UROD: variants seen among roughly 807,000 people sequenced by gnomAD.
The protein encoded by UROD is uroporphyrinogen III decarboxylase.
UROD carries 34 observed loss-of-function variants against 47.1 expected under a neutral mutation model. The ratio of observed to expected loss-of-function variants is 0.72; its 90% CI spans 0.55 to 0.96. The LOEUF is 0.96. Ranked by LOEUF, UROD falls within the 40% of genes least tolerant of loss-of-function variation. The probability of loss-of-function intolerance (pLI) is 0.00; values close to 1 mark genes in which losing one functional copy is unlikely to be tolerated. For synonymous variants in UROD, 148 were observed against 175.8 expected, an observed-to-expected ratio of 0.84 and a Z score of 1.25; for missense variants, 381 against 471.8, an observed-to-expected ratio of 0.81 and a Z score of 1.78.
At chr1:45,014,359 G>A in intron 6 of UROD, 80 bp from the exon 7 acceptor site, 1 of 1,608,988 alleles carries the variant, frequency 6.2e-7, no homozygotes, top group Non-Finnish European at 8.5e-7. Context: ...GTCATTTGGG[G>A]AAAATTGAGG....
At chr1:45,014,128 A>C in intron 6 of UROD, 58 bp downstream of exon 6, 3 of 1,612,626 alleles carry the variant, frequency 1.9e-6, no homozygotes, top group Non-Finnish European at 2.5e-6. Flanking sequence ...ACCAGAAGCA[A>C]GAGTGTCCTA....
chr1:45,014,294 AT>A (rs57055690), intron 6 of UROD, 144 bp from the exon 7 acceptor site: 75,681 of 903,924 alleles, frequency 0.084, 1,458 homozygotes, highest in African/African-American at 0.26. Flanking sequence ...AGGAAAGTAA[AT>A]TTTTTTTTTT....
intron 6 of UROD, 136 bp downstream of exon 6, chr1:45,014,206 C>A: frequency 7.3e-7 from 1 of 1,369,244 alleles, no homozygotes; most frequent in Non-Finnish European, 1.0e-6. Context: ...TCTAGCGGAG[C>A]AGCCAAGCCC....
In UROD at chr1:45,015,543, C is replaced by A; in HGVS notation, c.*45C>A. On this transcript the variant is annotated 3_prime_UTR_variant, in exon 10 of 10. Coordinates refer to ENST00000246337, the MANE Select transcript of UROD (RefSeq NM_000374.5). ...AGTACCACTAACACAGATGATTGAT[C>A]GTTTCCAGGACAATAAAAGTTTCGG... is the stretch of plus-strand genomic sequence containing the variant. 1 of 1,613,618 alleles carries A rather than the reference C, an allele frequency of 6.2e-7. No individual in the cohort carries two copies. The highest frequency in any genetic ancestry group is 1.1e-5 in the South Asian group (1 of 90,924).
chr1:45,013,310 C>G lies in UROD; in HGVS notation c.232C>G (p.Leu78Val), dbSNP rs1432847949. The G allele has an allele frequency of 1.4e-5, 23 of 1,614,100 alleles. No homozygotes were observed. Among genetic ancestry groups the G allele is most frequent in the Non-Finnish European group, 1.9e-5 (23 of 1,180,050 alleles). ...CCTACAGCCACTGCGTCGCTTCCCT[C>G]TGGATGCTGCCATCATTTTCTCCGA... ...LTLQPLRRFP[L>V]DAAIIFSDIL... Residue 78 changes from leucine to valine, a missense_variant, in exon 4 of 10, where the codon CTG becomes GTG. Transcript: ENST00000246337. This position sits in a 1 kb window ranked among gnomAD's most constrained non-coding sequence, Gnocchi z 4.2.
At position 45,015,512 on chromosome 1, in the gene UROD, C is replaced by A; in HGVS notation, c.*14C>A. On this transcript the variant is annotated 3_prime_UTR_variant, in exon 10 of 10. Transcript: ENST00000246337. ...CGACAGAACTGAGTGTATACCTTTA[C>A]CCTCAAGTACCACTAACACAGATGA... 2 of 1,614,204 alleles carry A rather than the reference C, an allele frequency of 1.2e-6. No homozygotes were observed. Among genetic ancestry groups the A allele is most frequent in the East Asian group, 4.5e-5 (2 of 44,890 alleles).
rs762960327 is a variant in UROD at position 45,013,348 on chromosome 1, A to G, written c.270A>G (p.Val90=). The change falls in exon 4 of 10, where the codon GTA becomes GTG. Residue 90 remains valine, a synonymous_variant. Coordinates refer to ENST00000246337, the MANE Select transcript of UROD (RefSeq NM_000374.5). This position sits in a 1 kb window ranked among gnomAD's most constrained non-coding sequence, Gnocchi z 4.2. ...TCATTTTCTCCGACATCCTTGTTGTACCCCAGGTACCCACTCAAACCTGAT... is the reference window on the plus strand; with the variant it reads ...TCATTTTCTCCGACATCCTTGTTGTGCCCCAGGTACCCACTCAAACCTGAT... ...AAIIFSDILV[V]PQALGMEVTM... The G allele has an allele frequency of 4.7e-5, 76 of 1,614,110 alleles. No homozygotes were observed. In the South Asian group the frequency reaches 6.4e-4, roughly 14 times the overall value.
In UROD at chr1:45,014,997, T is replaced by C; in HGVS notation, c.933T>C (p.Tyr311=). 2 of 1,613,852 alleles carry C rather than the reference T, an allele frequency of 1.2e-6. No homozygotes were observed. Among genetic ancestry groups the C allele is most frequent in the East Asian group, 2.2e-5 (1 of 44,876 alleles). ...GCAACCTGGACCCCTGTGCCTTGTA[T>C]GCATCTGAGGTAACAGCCAGGGCCC... The part of the protein sequence containing the change: ...LQGNLDPCAL[Y]ASEEEIGQLV... Residue 311 remains tyrosine, a synonymous_variant, in exon 9 of 10, where the codon TAT becomes TAC. Coordinates refer to ENST00000246337, the MANE Select transcript of UROD (RefSeq NM_000374.5).
Position 45,012,966 on chromosome 1 carries a change from A to C in UROD, c.80A>C (p.Glu27Ala), listed in dbSNP as rs753985225. The C allele has an allele frequency of 4.3e-6, 7 of 1,613,250 alleles. No homozygotes were observed. In the African/African-American group the frequency reaches 5.4e-5, roughly 12 times the overall value. ...TTCCTGCGAGCAGCCTGGGGAGAGG[A>C]AACAGACTACACTCCCGTTTGGTGC... is the stretch of plus-strand genomic sequence containing the variant. ...DTFLRAAWGE[E>A]TDYTPVWCMR... The change falls in exon 2 of 10, where the codon GAA (glutamate) becomes GCA (alanine). Residue 27 changes from glutamate (E) to alanine (A), a missense_variant. By Grantham distance (107) the Glu-to-Ala change is moderately radical. Coordinates refer to ENST00000246337, the MANE Select transcript of UROD (RefSeq NM_000374.5).
chr1:45,014,927 G>A lies in UROD; in HGVS notation c.876-13G>A. 1 of 1,614,064 alleles carries A rather than the reference G, an allele frequency of 6.2e-7. No individual in the cohort carries two copies. Among genetic ancestry groups the A allele is most frequent in the South Asian group, 1.1e-5 (1 of 91,090 alleles). On this transcript the variant is annotated splice_polypyrimidine_tract_variant and intron_variant, in intron 8 of 9. Transcript: ENST00000246337. ...ATGCAGTTACCAGAACGTGGCGCTGGCTTTGCTTCCAGGGAGTGTGTGGGG... is the reference window on the plus strand; with the variant it reads ...ATGCAGTTACCAGAACGTGGCGCTGACTTTGCTTCCAGGGAGTGTGTGGGG...
rs775210041 is a variant in UROD, at chr1:45,012,895, C to A, written c.21-12C>A. 3.7e-6 allele frequency: 6 copies of A among 1,613,466 alleles called. No individual in the cohort carries two copies. In the African/African-American group the frequency reaches 8.0e-5, roughly 22 times the overall value. Reference sequence around the variant, plus strand: ...ATACTGACACCTACCCCCACCCCCACCTGATCGCCAGACCTCAGGGTTTTC... The same window carrying A: ...ATACTGACACCTACCCCCACCCCCAACTGATCGCCAGACCTCAGGGTTTTC... On this transcript the variant is annotated splice_polypyrimidine_tract_variant and intron_variant, in intron 1 of 9. Coordinates refer to ENST00000246337, the MANE Select transcript of UROD (RefSeq NM_000374.5).
At chr1:45,014,886 G>A (rs758967174) in intron 8 of UROD, 50 bp downstream of exon 8, 6 of 1,614,044 alleles carry the variant, frequency 3.7e-6, no homozygotes, top group African/African-American at 1.3e-5. Flanking sequence ...GGTGTTGGCT[G>A]GGGGAGCTGC....
In UROD at chr1:45,013,983, G is replaced by A. The variant is rs1480976501; in HGVS notation, c.549G>A (p.Gln183=). 3.7e-6 allele frequency: 6 copies of A among 1,614,130 alleles called. No individual in the cohort carries two copies. Among genetic ancestry groups the A allele is most frequent in the Non-Finnish European group, 5.1e-6 (6 of 1,180,060 alleles). ...CTCAGGCCAAGCGCTGGCTCTATCA[G>A]AGACCTCAGGCTAGTCACCAGCTGC... The part of the protein sequence containing the change: ...TMAQAKRWLY[Q]RPQASHQLLR... The change falls in exon 6 of 10, where the codon CAG becomes CAA. Residue 183 remains glutamine (Q), a synonymous_variant. Transcript: ENST00000246337. This position sits in a 1 kb window ranked among gnomAD's most constrained non-coding sequence, Gnocchi z 4.2.
Position 45,015,473 on chromosome 1 carries a change from A to G in UROD, c.1079A>G (p.His360Arg). ...VGAFVDAVHK[H>R]SRLLRQN is the part of the protein sequence containing the mutation. The stretch of plus-strand genomic sequence containing the variant: ...GCCTTTGTGGATGCTGTGCATAAAC[A>G]CTCACGTCTGCTTCGACAGAACTGA... The change falls in exon 10 of 10, where the codon CAC becomes CGC. Residue 360 changes from histidine (H) to arginine (R), a missense_variant. Physicochemically the swap from His to Arg is conservative, Grantham distance 29. Coordinates refer to ENST00000246337, the MANE Select transcript of UROD (RefSeq NM_000374.5). The G allele has an allele frequency of 1.2e-6, 2 of 1,614,178 alleles. No individual in the cohort carries two copies. The highest frequency in any genetic ancestry group is 1.6e-4 in the Middle Eastern group (1 of 6,062).
In UROD at chr1:45,013,726, G is replaced by A; in HGVS notation, c.409G>A (p.Ala137Thr). The A allele has an allele frequency of 6.2e-7, 1 of 1,614,130 alleles. No homozygotes were observed. The highest frequency in any genetic ancestry group is 8.5e-7 in the Non-Finnish European group (1 of 1,180,014). ...VASELGYVFQAITLTRQRLAG... is the reference protein window; with the variant it reads ...VASELGYVFQTITLTRQRLAG... ...CTCTGAGCTAGGCTATGTGTTCCAA[G>A]CCATCACCCTTACCCGACAACGACT... The change falls in exon 5 of 10, where the codon GCC becomes ACC. Residue 137 changes from alanine (A) to threonine (T), a missense_variant. Physicochemically the swap from Ala to Thr is moderately conservative, Grantham distance 58. Coordinates refer to ENST00000246337, the MANE Select transcript of UROD (RefSeq NM_000374.5). This position sits in a 1 kb window ranked among gnomAD's most constrained non-coding sequence, Gnocchi z 4.2.
In UROD at chr1:45,013,164, C is replaced by G; in HGVS notation, c.162C>G (p.Asp54Glu). The G allele has an allele frequency of 6.2e-7, 1 of 1,614,182 alleles. No individual in the cohort carries two copies. Among genetic ancestry groups the G allele is most frequent in the Non-Finnish European group, 8.5e-7 (1 of 1,180,034 alleles). Residue 54 changes from aspartate (D) to glutamate (E), a missense_variant, in exon 3 of 10, where the codon GAC becomes GAG. Coordinates refer to ENST00000246337, the MANE Select transcript of UROD (RefSeq NM_000374.5). This position sits in a 1 kb window ranked among gnomAD's most constrained non-coding sequence, Gnocchi z 4.2. ...PEFRETRAAQ[D>E]FFSTCRSPEA... ...TTAGGGAAACCCGGGCTGCCCAGGA[C>G]TTTTTCAGCACGTGTCGCTCTCCTG...
rs770934639 is a variant in UROD at position 45,015,411 on chromosome 1, TG to T, written c.1020del (p.Leu341PhefsTer42). 2.5e-6 allele frequency: 4 copies of T among 1,614,092 alleles called. No individual in the cohort carries two copies. The African/African-American group carries it at 5.3e-5, about 22-fold the overall frequency. On this transcript the variant is annotated frameshift_variant, in exon 10 of 10. Transcript: ENST00000246337. LOFTEE classifies it high-confidence loss of function. ...PHRYIANLGH[G>X]LYPDMDPEHV... ...ATCGCTACATTGCCAACCTGGGCCA[TG>T]GGCTTTATCCTGACATGGACCCAGA...
Position 45,014,957 on chromosome 1 carries a change from C to T in UROD, c.893C>T (p.Thr298Met), listed in dbSNP as rs767307327. The stretch of plus-strand genomic sequence containing the variant: ...GCTTCCAGGGAGTGTGTGGGGAAGA[C>T]GGTGACATTGCAGGGCAACCTGGAC... ...PKKARECVGK[T>M]VTLQGNLDPC... The change falls in exon 9 of 10, where the codon ACG becomes ATG. Residue 298 changes from threonine (T) to methionine (M), a missense_variant. Thr to Met is a moderately conservative substitution (Grantham distance 81, BLOSUM62 -1). Transcript: ENST00000246337. 30 of 1,613,910 alleles carry T rather than the reference C, an allele frequency of 1.9e-5. No individual in the cohort carries two copies. The highest frequency in any genetic ancestry group is 1.7e-4 in the Middle Eastern group (1 of 6,050).
Position 45,014,740 on chromosome 1 carries a change from T to C in UROD, c.779T>C (p.Ile260Thr), listed in dbSNP as rs1483459837. The C allele has an allele frequency of 6.2e-7, 1 of 1,614,110 alleles. No homozygotes were observed. The highest frequency in any genetic ancestry group is 1.7e-5 in the Admixed American group (1 of 60,000). Reference sequence around the variant, plus strand: ...CTGAGATCTGCTTTTTTCTAGATCATCTTTGCTAAGGATGGGCATTTTGCC... The same window carrying C: ...CTGAGATCTGCTTTTTTCTAGATCACCTTTGCTAAGGATGGGCATTTTGCC... ...EAGLAPVPMI[I>T]FAKDGHFALE... The change falls in exon 8 of 10, where the codon ATC (isoleucine) becomes ACC (threonine). Residue 260 changes from isoleucine to threonine, a missense_variant. Physicochemically the swap from Ile to Thr is moderately conservative, Grantham distance 89 (BLOSUM62 -1). Transcript: ENST00000246337.
Sources: gnomAD v4.1 joint callset for allele counts on GRCh38, gnomAD v4.1.1 for gene constraint, Gnocchi (gnomAD v3.1) non-coding constraint, MANE v1.5 for transcripts, NCBI Gene and HGNC (gene_info 2026-07-23, HGNC 2026-07-21) for gene names.